Variants in FCGR1A observed in about 807,000 individuals in gnomAD.
FCGR1A encodes Fc gamma receptor Ia.
Under a neutral mutation model 35.0 loss-of-function variants are expected in FCGR1A, and 13 were observed. The observed-to-expected ratio is 0.37, with a 90% CI of 0.24 to 0.59. The LOEUF is 0.59. Among genes scored for constraint, FCGR1A ranks in the 20% least tolerant of loss-of-function variants. The pLI, the probability that FCGR1A is intolerant of heterozygous loss-of-function variation, is 0.71. For missense variants in FCGR1A, 227 were observed against 430.0 expected (o/e 0.53, Z 4.17); for synonymous variants, 91 against 164.7 (o/e 0.55, Z 3.43).
At chr1:149,785,411 T>G (rs1200972368) in intron 3 of FCGR1A, among the ~76,000 whole-genome samples, 165 of 127,274 alleles carry the variant, frequency 1.3e-3, no homozygotes, top group South Asian at 5.4e-3. Flanking sequence ...CTGTTTCGTT[T>G]TTTTTTTTTT....
intron 3 of FCGR1A, 151 bp downstream of exon 3, chr1:149,784,408 A>C (rs1426923437): frequency 2.1e-6 from 3 of 1,419,410 alleles, no homozygotes; most frequent in African/African-American, 1.4e-5. Flanking sequence ...CAGTATACTC[A>C]AAACATCACA....
chr1:149,797,030 A>C, the FCGR1A span, among the ~76,000 whole-genome samples: 1 of 152,182 alleles, frequency 6.6e-6, no homozygotes, highest in Non-Finnish European at 1.5e-5. Flanking sequence ...CTCCTGCCTC[A>C]GCCTCCCAAG....
chr1:149,785,348 T>C (rs1300551582), intron 3 of FCGR1A, among the ~76,000 whole-genome samples: 2 of 150,804 alleles, frequency 1.3e-5, no homozygotes, highest in African/African-American at 4.9e-5. Context: ...ATGTGTCCCT[T>C]AGGTCTCTGT....
the FCGR1A span, among the ~76,000 whole-genome samples, chr1:149,800,249 C>T: frequency 6.6e-6 from 1 of 152,240 alleles, no homozygotes; most frequent in Non-Finnish European, 1.5e-5. Context: ...GTGCGCCGCC[C>T]TTCAGGAACC....
chr1:149,796,256 G>A (rs1553752766), downstream of FCGR1A, among the ~76,000 whole-genome samples: 2 of 152,200 alleles, frequency 1.3e-5, no homozygotes, highest in East Asian at 3.8e-4. Context: ...TGGAGAGGGA[G>A]CATATGTGAA....
intron 3 of FCGR1A, chr1:149,787,861 T>G: frequency 5.1e-6 from 1 of 195,124 alleles, no homozygotes; most frequent in Non-Finnish European, 1.1e-5. Flanking sequence ...GGCCCTTGCC[T>G]TGTGGCACTC....
downstream of FCGR1A, among the ~76,000 whole-genome samples, chr1:149,795,420 AAAG>A (rs1257241558): frequency 1.7e-5 from 2 of 116,408 alleles, no homozygotes; most frequent in African/African-American, 3.4e-5. Context: ...CAAGGGTTAA[AAAG>A]AAGAGAACAA....
the FCGR1A span, among the ~76,000 whole-genome samples, chr1:149,797,367 T>C: frequency 1.3e-4 from 20 of 152,228 alleles, no homozygotes; most frequent in Non-Finnish European, 2.5e-4. Flanking sequence ...TTCGCAAATA[T>C]ATATCAAAAA....
chr1:149,784,579 T>C (rs1234664364), intron 3 of FCGR1A, among the ~76,000 whole-genome samples: 1 of 151,722 alleles, frequency 6.6e-6, no homozygotes, highest in African/African-American at 2.4e-5. Context: ...TAATGAACAA[T>C]GAAATATCTT....
At position 149,784,511 on chromosome 1, in the gene FCGR1A, A is replaced by G. The variant is rs149288410; in HGVS notation, c.307+254A>G. 2.5e-3 allele frequency among the ~76,000 whole-genome samples: 386 copies of G among 152,260 alleles called. 1 individual carries two copies. The highest frequency in any genetic ancestry group is 8.9e-3 in the African/African-American group (368 of 41,552). ...AAGACTTAGGCCCTAAGATTGTATC[A>G]TTATTCCAAATGTATGCCTGTACAT... is the stretch of plus-strand genomic sequence containing the variant. On this transcript the variant is annotated intron_variant, in intron 3 of 5. Coordinates refer to ENST00000369168, the MANE Select transcript of FCGR1A (RefSeq NM_000566.4).
In FCGR1A at chr1:149,791,631, G is replaced by A. The variant is rs2091716400; in HGVS notation, c.*114G>A. Reference sequence around the variant, plus strand: ...CAACACCAGAACTGTGTGTCTCATGGTATGTAACTCTTAAAGCAAATAAAT... The same window carrying A: ...CAACACCAGAACTGTGTGTCTCATGATATGTAACTCTTAAAGCAAATAAAT... On this transcript the variant is annotated 3_prime_UTR_variant, in exon 6 of 6. Transcript: ENST00000369168. The A allele has an allele frequency of 6.6e-7, 1 of 1,519,268 alleles. No individual in the cohort carries two copies. Among genetic ancestry groups the A allele is most frequent in the Non-Finnish European group, 8.8e-7 (1 of 1,134,784 alleles). The allele number at this position is 1,519,268 out of a possible 1,614,324, so 94.1% of individuals were successfully genotyped here.
chr1:149,784,719 T>TAC (rs1361035762), intron 3 of FCGR1A, among the ~76,000 whole-genome samples: 2 of 129,426 alleles, frequency 1.5e-5, no homozygotes, highest in African/African-American at 5.6e-5. Context: ...TATATATATA[T>TAC]ACACACATAT....
In FCGR1A at chr1:149,784,069, C is replaced by A. The variant is rs1553750499; in HGVS notation, c.119C>A (p.Thr40Asn). ...WVSVFQEETV[T>N]LHCEVLHLPG... is the part of the protein sequence containing the mutation. ...AGCGTGTTCCAAGAGGAAACCGTAA[C>A]CTTGCACTGTGAGGTGCTCCATCTG... The change falls in exon 3 of 6, where the codon ACC becomes AAC. Residue 40 changes from threonine to asparagine, a missense_variant. Physicochemically the swap from Thr to Asn is moderately conservative, Grantham distance 65. Transcript: ENST00000369168. 3 of 1,611,034 alleles carry A rather than the reference C, an allele frequency of 1.9e-6. No homozygotes were observed. Among genetic ancestry groups the A allele is most frequent in the Non-Finnish European group, 2.5e-6 (3 of 1,179,766 alleles).
downstream of FCGR1A, among the ~76,000 whole-genome samples, chr1:149,793,600 G>C (rs2091764865): frequency 6.6e-6 from 1 of 151,810 alleles, no homozygotes; most frequent in Admixed American, 6.5e-5. Context: ...GACCTACCGA[G>C]GCTTCACCTG....
At chr1:149,793,356 C>T (rs1257210509), downstream of FCGR1A, 11 of 1,138,308 alleles carry the variant, frequency 9.7e-6, no homozygotes, top group Middle Eastern at 4.1e-4. Context: ...GGAGCTGGCT[C>T]GGCGGGATCA....
intron 3 of FCGR1A, chr1:149,786,959 GA>G (rs2091568672): frequency 6.6e-6 from 1 of 152,096 alleles, no homozygotes; most frequent in South Asian, 2.1e-4. Context: ...AAAAGCATAT[GA>G]ATTTTCTTTC....
At chr1:149,797,438 T>C in the FCGR1A span, among the ~76,000 whole-genome samples, 5 of 152,134 alleles carry the variant, frequency 3.3e-5, no homozygotes, top group African/African-American at 1.2e-4. Context: ...CAATAGTAAG[T>C]TTACGGAAGG....
rs1470305526 is a variant in FCGR1A at position 149,791,157 on chromosome 1, C to A, written c.845-80C>A. The A allele has an allele frequency of 1.0e-5, 16 of 1,603,788 alleles. No homozygotes were observed. The African/African-American group carries it at 2.1e-4, about 21-fold the overall frequency. On this transcript the variant is annotated intron_variant, in intron 5 of 5. Transcript: ENST00000369168. ...GACAGGCACATCAGGTCTCAGCCAA[C>A]CTTCCCTTCCAAACATAACTCAGCT...
At chr1:149,793,727 G>A (rs1380163550), downstream of FCGR1A, among the ~76,000 whole-genome samples, 1 of 151,714 alleles carries the variant, frequency 6.6e-6, no homozygotes, top group Non-Finnish European at 1.5e-5. Context: ...GTTAGGGGTC[G>A]TTCTTCACCT....
Sources: allele counts gnomAD v4.1 joint callset (sites outside exome capture counted in the v4.1 genomes callset), GRCh38; gene constraint gnomAD v4.1.1; transcripts MANE v1.5; gene names NCBI Gene and HGNC (gene_info 2026-07-23, HGNC 2026-07-21).